The following ANK1 variants were observed in gnomAD, a reference collection of about 807,000 sequenced individuals.
ANK1 encodes ankyrin-1.
In ANK1, 51 loss-of-function variants were observed where a neutral mutation model predicts 210.4. That is an observed-to-expected ratio of 0.24 (90% CI 0.19 to 0.31). The LOEUF is 0.31. Ranked by LOEUF, ANK1 falls within the 10% of genes least tolerant of loss-of-function variation. ANK1 has a pLI of 1.00. For missense variants in ANK1, 2,051 were observed against 2,504.4 expected (o/e 0.82, Z 3.86); for synonymous variants, 967 against 1,025.9 (o/e 0.94, Z 1.10).
rs1270841068 is a variant in ANK1, at chr8:41,655,686, G to A, written c.*104C>T. 6.2e-7 allele frequency: 1 copy of A among 1,611,580 alleles called. No homozygotes were observed. Among genetic ancestry groups the A allele is most frequent in the African/African-American group, 1.3e-5 (1 of 74,990 alleles). Reference sequence around the variant, plus strand: ...TGTGCACCGCTGCGGTGGCCCTCAGGTCCAGCTCTCCTCCTGTGTGCATGG... The same window carrying A: ...TGTGCACCGCTGCGGTGGCCCTCAGATCCAGCTCTCCTCCTGTGTGCATGG... On this transcript the variant is annotated 3_prime_UTR_variant, in exon 43 of 43. Transcript: ENST00000289734.
intron 37 of ANK1, among the ~76,000 whole-genome samples, chr8:41,682,266 G>A (rs12114695): frequency 0.019 from 2,821 of 152,052 alleles, 77 homozygotes; most frequent in African/African-American, 0.066. Context: ...TTCCACCTCA[G>A]TGCCGACGCA....
chr8:41,787,600 C>T lies in ANK1; in HGVS notation c.27+9912G>A, dbSNP rs368315809. On this transcript the variant is annotated intron_variant, in intron 1 of 42. Coordinates refer to ENST00000289734, the MANE Select transcript of ANK1 (RefSeq NM_000037.4). ...CAAACATCCTTGAAAAACAGGATGT[C>T]TCTTAAGTAAATAGCAGTCAAAACA... Among the ~76,000 whole-genome samples the T allele has an allele frequency of 5.0e-4, 76 of 152,286 alleles. 1 individual carries two copies. The South Asian group carries it at 0.016, about 31-fold the overall frequency.
At chr8:41,764,166 C>T (rs1273803964) in intron 1 of ANK1, among the ~76,000 whole-genome samples, 1 of 88,206 alleles carries the variant, frequency 1.1e-5, no homozygotes, top group African/African-American at 3.4e-5. Context: ...CGGTCATGTG[C>T]ATTGCATGCA....
chr8:41,789,594 A>G (rs1333699028), intron 1 of ANK1, among the ~76,000 whole-genome samples: 1 of 152,226 alleles, frequency 6.6e-6, no homozygotes, highest in Non-Finnish European at 1.5e-5. Context: ...GTTCACCTGC[A>G]CCAGGCAATC....
Position 41,715,741 on chromosome 8 carries a change from T to G in ANK1, c.1513A>C (p.Thr505Pro), listed in dbSNP as rs1313685270. The change falls in exon 14 of 43, where the codon ACC becomes CCC. Residue 505 changes from threonine to proline, a missense_variant. By Grantham distance (38) the Thr-to-Pro change is conservative (BLOSUM62 -1). Coordinates refer to ENST00000289734, the MANE Select transcript of ANK1 (RefSeq NM_000037.4). ...TCACGGGCTGCAATGTGCAGGGGGGTGTGCCCGGCGGTGGTGGCCAGGTTG... is the reference window on the plus strand; with the variant it reads ...TCACGGGCTGCAATGTGCAGGGGGGGGTGCCCGGCGGTGGTGGCCAGGTTG... ...NPNLATTAGHTPLHIAAREGH... is the reference protein window; with the variant it reads ...NPNLATTAGHPPLHIAAREGH... 1 of 1,613,784 alleles carries G rather than the reference T, an allele frequency of 6.2e-7. No homozygotes were observed. The highest frequency in any genetic ancestry group is 1.7e-5 in the Admixed American group (1 of 59,992).
intron 1 of ANK1, among the ~76,000 whole-genome samples, chr8:41,810,466 C>T (rs139792533): frequency 4.7e-4 from 71 of 152,352 alleles, no homozygotes; most frequent in African/African-American, 1.7e-3. Context: ...ACAGAAGGAA[C>T]GTGTTTCCAC....
intron 42 of ANK1, chr8:41,660,579 G>A (rs1166255912): frequency 4.7e-5 from 21 of 449,498 alleles, no homozygotes; most frequent in South Asian, 2.0e-4. Flanking sequence ...GGAGATGGTC[G>A]CACAGCGTCT....
intron 2 of ANK1, among the ~76,000 whole-genome samples, chr8:41,739,241 A>G (rs1400607582): frequency 1.3e-5 from 2 of 152,112 alleles, no homozygotes; most frequent in Admixed American, 6.5e-5. Flanking sequence ...AGTTATGTCC[A>G]GTCTACTGAT....
Position 41,803,085 on chromosome 8 carries a change from G to GGAAGGAAGGAAGGAAGGGAAGGA in ANK1, c.127-44949_127-44948insTCCTTCCCTTCCTTCCTTCCTTC. On this transcript the variant is annotated intron_variant, in intron 1 of 42. Coordinates refer to the ANK1 transcript ENST00000265709. Reference sequence around the variant, plus strand: ...AAAGGAAGGAAGGAAGGAAGGAAGGGAAGGAAAGGAAAGGAAAGGAAAGGA... The same window carrying GGAAGGAAGGAAGGAAGGGAAGGA: ...AAAGGAAGGAAGGAAGGAAGGAAGGGGAAGGAAGGAAGGAAGGGAAGGAAAGGAAAGGAAAGGAAAGGAAAGGA... Among the ~76,000 whole-genome samples the GGAAGGAAGGAAGGAAGGGAAGGA allele has an allele frequency of 5.0e-5, 3 of 60,034 alleles. No individual in the cohort carries two copies. In the Admixed American group the frequency reaches 6.3e-4, roughly 13 times the overall value. 39.4% of individuals were successfully genotyped at this position (60,034 alleles called of 152,430 possible).
chr8:41,822,104 GAGAGAGAGAGAAAGAA>G (rs1563845016), intron 1 of ANK1, among the ~76,000 whole-genome samples: 163 of 31,926 alleles, frequency 5.1e-3, no homozygotes, highest in African/African-American at 0.018. Flanking sequence ...GAGAGAGAGA[GAGAGAGAGAGAAAGAA>G]AGAGAAAGAA....
intron 1 of ANK1, among the ~76,000 whole-genome samples, chr8:41,833,961 G>A (rs1807144321): frequency 6.6e-6 from 1 of 152,204 alleles, no homozygotes; most frequent in African/African-American, 2.4e-5. Context: ...GGGGTTTCAG[G>A]CAGAGGGCCC....
rs1382612951 is a variant in ANK1 at position 41,653,779 on chromosome 8, GGCAGCCGTCCGGGCTCGCCCT to G, written c.*1990_*2010del. Reference sequence around the variant, plus strand: ...GGCCGGGGTGGCCTCTGGCGGAGACGGCAGCCGTCCGGGCTCGCCCTGCAGCTCCTCCGACGCAGCCTCGGG... The same window carrying G: ...GGCCGGGGTGGCCTCTGGCGGAGACGGCAGCTCCTCCGACGCAGCCTCGGG... On this transcript the variant is annotated 3_prime_UTR_variant, in exon 43 of 43. Transcript: ENST00000289734. 6.6e-6 allele frequency: 1 copy of G among 152,228 alleles called. No homozygotes were observed. Among genetic ancestry groups the G allele is most frequent in the African/African-American group, 2.4e-5 (1 of 41,450 alleles). 9.4% of individuals were successfully genotyped at this position (152,228 alleles called of 1,614,324 possible).
At chr8:41,693,033 C>T (rs1819718483) in intron 30 of ANK1, 72 bp downstream of exon 30, 2 of 1,535,798 alleles carry the variant, frequency 1.3e-6, no homozygotes, top group Non-Finnish European at 1.8e-6. Flanking sequence ...GAGCCTCAGC[C>T]TCAGGCCTGG....
intron 16 of ANK1, among the ~76,000 whole-genome samples, chr8:41,710,217 G>A (rs973838923): frequency 1.3e-5 from 2 of 152,142 alleles, no homozygotes; most frequent in African/African-American, 4.8e-5. Flanking sequence ...CATCACTGCC[G>A]AAAACCACTT....
rs2150821187 is a variant in ANK1 at position 41,865,254 on chromosome 8, G to A, written c.126+31101C>T. ...GTTTAAAGCTCATGGTCTCCTTGAA[G>A]CAGCACATTTTCAGGAACTGCATTT... is the stretch of plus-strand genomic sequence containing the variant. On this transcript the variant is annotated intron_variant, in intron 1 of 42. Coordinates refer to the ANK1 transcript ENST00000265709. 2.0e-5 allele frequency among the ~76,000 whole-genome samples: 3 copies of A among 152,296 alleles called. No individual in the cohort carries two copies. The South Asian group carries it at 6.2e-4, about 32-fold the overall frequency.
chr8:41,713,141 A>C (rs1826634145), intron 16 of ANK1, among the ~76,000 whole-genome samples: 1 of 152,234 alleles, frequency 6.6e-6, no homozygotes, highest in Non-Finnish European at 1.5e-5. Flanking sequence ...CTGGAGTCAC[A>C]TGGGGTCCCA....
rs746486928 is a variant in ANK1 at position 41,668,542 on chromosome 8, C to T, written c.5119G>A (p.Gly1707Ser). 73 of 1,613,602 alleles carry T rather than the reference C, an allele frequency of 4.5e-5. No individual in the cohort carries two copies. The highest frequency in any genetic ancestry group is 2.9e-4 in the South Asian group (26 of 91,074). ...QDRLQDWDAD[G>S]SIVSYLQDAA... ...TCTTGCAGGTATGAGACAATCGAGC[C>T]GTCTGCATCCCAGTCCTGCAGTCTG... Residue 1707 changes from glycine to serine, a missense_variant, in exon 39 of 43, where the codon GGC becomes AGC. Coordinates refer to ENST00000289734, the MANE Select transcript of ANK1 (RefSeq NM_000037.4).
rs147503725 is a variant in ANK1 at position 41,853,966 on chromosome 8, G to A, written c.126+42389C>T. Among the ~76,000 whole-genome samples the A allele has an allele frequency of 4.3e-3, 656 of 152,160 alleles. 1 individual carries two copies. The highest frequency in any genetic ancestry group is 0.015 in the African/African-American group (624 of 41,526). On this transcript the variant is annotated intron_variant, in intron 1 of 42. Transcript: ENST00000265709. ...TTATTGGCTAATGAAGAACTACTCC[G>A]CTCAATTTGGGCTTAATATACAACA...
In ANK1 at chr8:41,725,841, G is replaced by A. The variant is rs778234929; in HGVS notation, c.532C>T (p.His178Tyr). 1 of 1,611,960 alleles carries A rather than the reference G, an allele frequency of 6.2e-7. No homozygotes were observed. Among genetic ancestry groups the A allele is most frequent in the South Asian group, 1.1e-5 (1 of 90,726 alleles). The change falls in exon 6 of 43, where the codon CAC becomes TAC. Residue 178 changes from histidine to tyrosine, a missense_variant. By Grantham distance (83) the His-to-Tyr change is moderately conservative. Transcript: ENST00000289734. ...TKGKVRLPAL[H>Y]IAARNDDTRT... is the part of the protein sequence containing the mutation. ...GTGTCGTCGTTGCGGGCCGCGATGT[G>A]CAGGGCCGGGAGGCGCACCTTCCCC...
Sources: gnomAD v4.1 joint callset for allele counts (sites outside exome capture counted in the v4.1 genomes callset) on GRCh38, gnomAD v4.1.1 for gene constraint, MANE v1.5 for transcripts, NCBI Gene and HGNC (gene_info 2026-07-23, HGNC 2026-07-21) for gene names.